ANKUB1: variants seen among roughly 807,000 people sequenced by gnomAD.
The protein encoded by ANKUB1 is protein ANKUB1.
A neutral mutation model predicts 49.3 loss-of-function variants in ANKUB1; 42 were observed. The observed-to-expected ratio is 0.85, with a 90% CI of 0.67 to 1.10. The LOEUF (loss-of-function observed/expected upper bound fraction) is 1.10, where lower values mean the gene tolerates loss of function less well. Ranked by LOEUF, ANKUB1 falls within the 50% of genes least tolerant of loss-of-function variation. The probability of loss-of-function intolerance (pLI) is 0.00; values close to 1 mark genes in which losing one functional copy is unlikely to be tolerated. For synonymous variants in ANKUB1, 222 were observed against 231.0 expected (o/e 0.96, Z 0.35); for missense variants, 613 against 642.0 (o/e 0.95, Z 0.49).
chr3:149,787,548 G>C (rs1164091671), intron 2 of ANKUB1, among the ~76,000 whole-genome samples: 2 of 152,058 alleles, frequency 1.3e-5, no homozygotes, highest in Non-Finnish European at 2.9e-5. Flanking sequence ...TTTCCTAATT[G>C]AATACCCTTT....
In ANKUB1 at chr3:149,792,347, A is replaced by G. The variant is rs1462972270; in HGVS notation, c.20T>C (p.Phe7Ser). 2 of 1,517,208 alleles carry G rather than the reference A, an allele frequency of 1.3e-6. No individual in the cohort carries two copies. Among genetic ancestry groups the G allele is most frequent in the South Asian group, 1.3e-5 (1 of 78,536 alleles). The allele number at this position is 1,517,208 out of a possible 1,614,324, so 94.0% of individuals were successfully genotyped here. Residue 7 changes from phenylalanine (F) to serine (S), a missense_variant, in exon 1 of 6, where the codon TTT (phenylalanine) becomes TCT (serine). Transcript: ENST00000446160. MRIFIA[F>S]EGSFEPFDVS... ...ATCAAACGGTTCAAAAGATCCTTCA[A>G]AGGCGATGAAAATCCTCATTGTACA...
At chr3:149,785,911 C>T (rs1320282809) in intron 2 of ANKUB1, among the ~76,000 whole-genome samples, 3 of 152,212 alleles carry the variant, frequency 2.0e-5, no homozygotes, top group African/African-American at 7.2e-5. Flanking sequence ...TCCACATCCT[C>T]TCCAGCACCT....
In ANKUB1 at chr3:149,767,302, C is replaced by T. The variant is rs1190975910; in HGVS notation, c.1360G>A (p.Val454Ile). The T allele has an allele frequency of 6.4e-7, 1 of 1,551,624 alleles. No individual in the cohort carries two copies. The highest frequency in any genetic ancestry group is 8.7e-7 in the Non-Finnish European group (1 of 1,146,978). ...GGATGTGAATATCCCACTCTTGAAA[C>T]TGGAGGGAGGGGGACTTGGGGAAGA... ...TYLPQVPLPP[V>I]SRVGYSHPSF... The change falls in exon 5 of 6, where the codon GTT (valine) becomes ATT (isoleucine). Residue 454 changes from valine to isoleucine, a missense_variant. By Grantham distance (29) the Val-to-Ile change is conservative. Transcript: ENST00000446160.
chr3:149,779,672 A>G (rs1355686432), intron 3 of ANKUB1: 1 of 154,180 alleles, frequency 6.5e-6, no homozygotes, highest in Non-Finnish European at 1.4e-5. Flanking sequence ...CCTTGCATTA[A>G]AAACGGGAAA....
intron 2 of ANKUB1, among the ~76,000 whole-genome samples, chr3:149,786,193 G>T (rs181001792): frequency 6.6e-6 from 1 of 152,058 alleles, no homozygotes; most frequent in Non-Finnish European, 1.5e-5. Flanking sequence ...CCGCCAACGC[G>T]CCCGGCTAAT....
chr3:149,788,854 G>C (rs757314207), intron 2 of ANKUB1, among the ~76,000 whole-genome samples: 3 of 151,926 alleles, frequency 2.0e-5, no homozygotes, highest in African/African-American at 4.8e-5. Context: ...TCGGCTCACT[G>C]TAACCTCCAC....
At chr3:149,791,204 C>A (rs1412602699) in intron 1 of ANKUB1, among the ~76,000 whole-genome samples, 1 of 152,096 alleles carries the variant, frequency 6.6e-6, no homozygotes, top group Non-Finnish European at 1.5e-5. Context: ...TAGGAGTAGT[C>A]GCTGTACCTG....
At chr3:149,780,088 G>T in intron 3 of ANKUB1, 151 bp downstream of exon 3, 3 of 679,720 alleles carry the variant, frequency 4.4e-6, no homozygotes, top group Non-Finnish European at 7.4e-6. Context: ...CTATGTAAAT[G>T]TGTTAACTGT....
chr3:149,791,316 A>G (rs915951018), intron 1 of ANKUB1, among the ~76,000 whole-genome samples: 4 of 152,254 alleles, frequency 2.6e-5, no homozygotes, highest in African/African-American at 9.6e-5. Flanking sequence ...TGAAAATAAT[A>G]GTTATTAGAT....
chr3:149,773,949 G>A (rs545380309), intron 3 of ANKUB1, among the ~76,000 whole-genome samples: 13 of 152,160 alleles, frequency 8.5e-5, no homozygotes, highest in African/African-American at 2.9e-4. Context: ...ATTGCTTGAG[G>A]CCAGGAGTTT....
chr3:149,785,355 C>A (rs930859260), intron 2 of ANKUB1, among the ~76,000 whole-genome samples: 1 of 152,082 alleles, frequency 6.6e-6, no homozygotes, highest in East Asian at 1.9e-4. Context: ...TGGTGTGCTG[C>A]ACCCATTAAC....
intron 3 of ANKUB1, among the ~76,000 whole-genome samples, chr3:149,775,368 A>G (rs1422808702): frequency 1.3e-5 from 2 of 152,240 alleles, no homozygotes; most frequent in Non-Finnish European, 2.9e-5. Flanking sequence ...CTGGTTTGGC[A>G]GTATAAATTG....
intron 1 of ANKUB1, 49 bp downstream of exon 1, chr3:149,792,228 A>T: frequency 7.5e-7 from 1 of 1,330,512 alleles, no homozygotes; most frequent in Non-Finnish European, 1.0e-6. Flanking sequence ...AATGCACTGC[A>T]TTGTTAAAAT....
At chr3:149,777,589 CCTT>C (rs1228855545) in intron 3 of ANKUB1, among the ~76,000 whole-genome samples, 1 of 152,258 alleles carries the variant, frequency 6.6e-6, no homozygotes, top group Non-Finnish European at 1.5e-5. Flanking sequence ...AGACCCTCCT[CCTT>C]CTGCCCTTGG....
intron 3 of ANKUB1, among the ~76,000 whole-genome samples, chr3:149,772,870 T>G (rs1308200407): frequency 6.6e-6 from 1 of 152,250 alleles, no homozygotes; most frequent in Non-Finnish European, 1.5e-5. Context: ...ACCAGGCTGT[T>G]TCTGGCCTTG....
intron 2 of ANKUB1, among the ~76,000 whole-genome samples, chr3:149,782,607 C>T (rs1717918703): frequency 6.6e-6 from 1 of 152,106 alleles, no homozygotes; most frequent in African/African-American, 2.4e-5. Flanking sequence ...AGTACAGTGG[C>T]ACTATCAGAG....
Position 149,784,332 on chromosome 3 carries a change from G to A in ANKUB1, c.235-3877C>T, listed in dbSNP as rs79796346. ...GAAAAGCACAACCTGCTGGATAGTT[G>A]CCCCCTTTGCAGTAGAGCATGGACA... On this transcript the variant is annotated intron_variant, in intron 2 of 5. Coordinates refer to ENST00000446160, the MANE Select transcript of ANKUB1 (RefSeq NM_001144960.3). Among the ~76,000 whole-genome samples, 330 of 152,246 alleles carry A rather than the reference G, an allele frequency of 2.2e-3. 8 individuals carry two copies. In the East Asian group the frequency reaches 0.052, roughly 24 times the overall value.
At chr3:149,789,898 C>A (rs535591162) in intron 2 of ANKUB1, among the ~76,000 whole-genome samples, 1 of 152,284 alleles carries the variant, frequency 6.6e-6, no homozygotes, top group Admixed American at 6.5e-5. Flanking sequence ...CCACTGCACC[C>A]AGCCCAGAGT....
In ANKUB1 at chr3:149,780,346, A is replaced by G; in HGVS notation, c.344T>C (p.Leu115Pro). 2 of 1,551,998 alleles carry G rather than the reference A, an allele frequency of 1.3e-6. No individual in the cohort carries two copies. Among genetic ancestry groups the G allele is most frequent in the East Asian group, 2.4e-5 (1 of 40,920 alleles). Reference sequence around the variant, plus strand: ...GGGGAGGCCACATCTCAGAGTTACCAGTGTTCTCAGATCAGACACTGTTTT... The same window carrying G: ...GGGGAGGCCACATCTCAGAGTTACCGGTGTTCTCAGATCAGACACTGTTTT... Reference protein sequence around the residue: ...LDKTVSDLRTLVTLRCGLPVS... With the variant: ...LDKTVSDLRTPVTLRCGLPVS... The change falls in exon 3 of 6, where the codon CTG becomes CCG. Residue 115 changes from leucine (L) to proline (P), a missense_variant. By Grantham distance (98) the Leu-to-Pro change is moderately conservative (BLOSUM62 -3). Transcript: ENST00000446160.
Sources: gnomAD v4.1 joint callset for allele counts (sites outside exome capture counted in the v4.1 genomes callset) on GRCh38, gnomAD v4.1.1 for gene constraint, MANE v1.5 for transcripts, NCBI Gene and HGNC (gene_info 2026-07-23, HGNC 2026-07-21) for gene names.